UNC5D: variants seen among roughly 807,000 people sequenced by gnomAD.
The protein encoded by UNC5D is unc-5 netrin receptor D, also known as netrin receptor UNC5D.
A neutral mutation model predicts 105.4 loss-of-function variants in UNC5D; 39 were observed. That is an observed-to-expected ratio of 0.37 (90% CI 0.29 to 0.48). UNC5D has a LOEUF of 0.48. Among genes scored for constraint, UNC5D ranks in the 20% least tolerant of loss-of-function variants. UNC5D has a pLI of 0.98. For missense variants in UNC5D, 991 were observed against 1,202.4 expected, an observed-to-expected ratio of 0.82 and a Z score of 2.60; for synonymous variants, 452 against 450.4, an observed-to-expected ratio of 1.00 and a Z score of -0.04.
chr8:35,367,906 T>C (rs928279281), intron 1 of UNC5D, among the ~76,000 whole-genome samples: 1 of 152,196 alleles, frequency 6.6e-6, no homozygotes, highest in African/African-American at 2.4e-5. Context: ...CCTTGCTATC[T>C]CTCTCCCTCG....
At chr8:35,424,011 A>G (rs1585809737) in intron 1 of UNC5D, among the ~76,000 whole-genome samples, 1 of 152,108 alleles carries the variant, frequency 6.6e-6, no homozygotes, top group African/African-American at 2.4e-5. Context: ...TGTTGCCCCA[A>G]CTGGTCTGGG....
intron 1 of UNC5D, among the ~76,000 whole-genome samples, chr8:35,430,533 T>C (rs1806555651): frequency 6.6e-6 from 1 of 152,032 alleles, no homozygotes; most frequent in Non-Finnish European, 1.5e-5. Flanking sequence ...TGAAACAACC[T>C]GGGGATCGCA....
chr8:35,434,680 A>G (rs887420139), intron 1 of UNC5D, among the ~76,000 whole-genome samples: 1 of 152,144 alleles, frequency 6.6e-6, no homozygotes, highest in Non-Finnish European at 1.5e-5. Context: ...TTTAATTAGA[A>G]GTGGTTTTCA....
intron 1 of UNC5D, among the ~76,000 whole-genome samples, chr8:35,418,843 G>A (rs1374083580): frequency 6.6e-6 from 1 of 152,156 alleles, no homozygotes; most frequent in East Asian, 1.9e-4. Flanking sequence ...TTCTTAGGAG[G>A]TTTATTTTTG....
chr8:35,483,115 T>A (rs1810598631), intron 1 of UNC5D, among the ~76,000 whole-genome samples: 1 of 151,864 alleles, frequency 6.6e-6, no homozygotes, highest in South Asian at 2.1e-4. Context: ...ATTTTTTTTT[T>A]AAGAGGTGCT....
Position 35,726,536 on chromosome 8 carries a change from G to A in UNC5D, c.1681+7G>A, listed in dbSNP as rs1554596273. 7.5e-6 allele frequency: 12 copies of A among 1,609,368 alleles called. No homozygotes were observed. The highest frequency in any genetic ancestry group is 1.0e-5 in the Non-Finnish European group (12 of 1,179,474). ...TTAGTAATGCCAAATACAGGTGGGT[G>A]GTAAGTGTGTGTTTGTGTATTTTCC... On this transcript the variant is annotated splice_region_variant and intron_variant, in intron 10 of 16. Transcript: ENST00000404895.
At chr8:35,495,126 G>T (rs528164395) in intron 1 of UNC5D, among the ~76,000 whole-genome samples, 1 of 152,264 alleles carries the variant, frequency 6.6e-6, no homozygotes, top group Non-Finnish European at 1.5e-5. Flanking sequence ...CACAGTGTTT[G>T]CCAAGCAATG....
chr8:35,511,085 T>C (rs369306489), intron 1 of UNC5D, among the ~76,000 whole-genome samples: 240 of 152,262 alleles, frequency 1.6e-3, no homozygotes, highest in African/African-American at 5.7e-3. Flanking sequence ...TTCAGGGACT[T>C]TCCTCTTCAA....
At chr8:35,309,069 C>A (rs1036970646) in intron 1 of UNC5D, among the ~76,000 whole-genome samples, 11 of 152,126 alleles carry the variant, frequency 7.2e-5, no homozygotes, top group Non-Finnish European at 1.6e-4. Context: ...TCCATAAAAA[C>A]ACTGGCTGAG....
At chr8:35,305,577 T>TTTCTTTCTC (rs1808284926) in intron 1 of UNC5D, among the ~76,000 whole-genome samples, 3 of 53,998 alleles carry the variant, frequency 5.6e-5, no homozygotes, top group African/African-American at 2.0e-4. Flanking sequence ...CTTTCTTTCT[T>TTTCTTTCTC]TTTCTTTCTT....
intron 4 of UNC5D, among the ~76,000 whole-genome samples, chr8:35,599,914 T>G (rs1040412326): frequency 1.3e-5 from 2 of 152,172 alleles, no homozygotes; most frequent in African/African-American, 4.8e-5. Flanking sequence ...AACTCGTCAT[T>G]TAGCATTAGG....
At chr8:35,593,467 C>T (rs894913811) in intron 3 of UNC5D, among the ~76,000 whole-genome samples, 4 of 152,076 alleles carry the variant, frequency 2.6e-5, no homozygotes, top group Non-Finnish European at 5.9e-5. Flanking sequence ...ACAAACCAAA[C>T]AAAAGCCGGA....
intron 1 of UNC5D, among the ~76,000 whole-genome samples, chr8:35,286,302 C>G (rs1806594404): frequency 6.6e-6 from 1 of 151,680 alleles, no homozygotes; most frequent in Non-Finnish European, 1.5e-5. Flanking sequence ...GGCAAGAATA[C>G]CAACCCAAAT....
chr8:35,454,868 G>A (rs1178725521), intron 1 of UNC5D, among the ~76,000 whole-genome samples: 2 of 152,158 alleles, frequency 1.3e-5, no homozygotes, highest in Non-Finnish European at 1.5e-5. Flanking sequence ...ACACGGGTGA[G>A]GAATTGTCAT....
intron 1 of UNC5D, among the ~76,000 whole-genome samples, chr8:35,519,510 G>A (rs1586033084): frequency 6.6e-6 from 1 of 151,972 alleles, no homozygotes; most frequent in East Asian, 1.9e-4. Context: ...AAGGCATATT[G>A]GCTATATAGG....
intron 10 of UNC5D, among the ~76,000 whole-genome samples, chr8:35,730,079 A>G (rs1223904963): frequency 6.6e-6 from 1 of 152,222 alleles, no homozygotes; most frequent in Admixed American, 6.5e-5. Context: ...AGAAGTTGAG[A>G]GCTGCCTTAC....
At chr8:35,746,685 G>A (rs1830020822) in intron 11 of UNC5D, among the ~76,000 whole-genome samples, 1 of 152,016 alleles carries the variant, frequency 6.6e-6, no homozygotes, top group South Asian at 2.1e-4. Context: ...CAGTTCATTT[G>A]GCATTAAATA....
At chr8:35,736,249 T>C (rs1829463100) in intron 11 of UNC5D, among the ~76,000 whole-genome samples, 2 of 152,164 alleles carry the variant, frequency 1.3e-5, no homozygotes, top group Admixed American at 6.5e-5. Context: ...TAAATGCCTG[T>C]AGTCACAGCT....
intron 1 of UNC5D, among the ~76,000 whole-genome samples, chr8:35,544,031 G>A (rs1045206460): frequency 1.3e-5 from 2 of 152,120 alleles, no homozygotes; most frequent in African/African-American, 4.8e-5. Flanking sequence ...CTGCATTCAA[G>A]TTCTGAGCCC....
Sources: allele counts gnomAD v4.1 joint callset (sites outside exome capture counted in the v4.1 genomes callset), GRCh38; gene constraint gnomAD v4.1.1; transcripts MANE v1.5; gene names NCBI Gene and HGNC (gene_info 2026-07-23, HGNC 2026-07-21).